Variants in EMCN observed in about 807,000 individuals in gnomAD.
EMCN encodes the protein endomucin, also known as MUC-14.
In EMCN, 37 loss-of-function variants were observed where a neutral mutation model predicts 38.4. The ratio of observed to expected loss-of-function variants is 0.96; its 90% confidence interval spans 0.74 to 1.27. The LOEUF (loss-of-function observed/expected upper bound fraction) is 1.27, where lower values mean the gene tolerates loss of function less well. Ranked by LOEUF, EMCN falls within the 50% of genes most tolerant of loss-of-function variation. EMCN has a pLI of 0.00. For missense variants in EMCN, 318 were observed against 302.8 expected, an observed-to-expected ratio of 1.05 and a Z score of -0.37; for synonymous variants, 95 against 100.8, an observed-to-expected ratio of 0.94 and a Z score of 0.35.
At position 100,422,930 on chromosome 4, in the gene EMCN, G is replaced by T. The variant is rs1211921072; in HGVS notation, c.568+91C>A. Reference sequence around the variant, plus strand: ...GCAGGCTCAGTAAAGTTGAGAAAAGGCTGCCCATAATCTGATTCCTCTCCT... The same window carrying T: ...GCAGGCTCAGTAAAGTTGAGAAAAGTCTGCCCATAATCTGATTCCTCTCCT... On this transcript the variant is annotated intron_variant, in intron 7 of 11. Coordinates refer to ENST00000296420, the MANE Select transcript of EMCN (RefSeq NM_016242.4). 16 of 1,264,370 alleles carry T rather than the reference G, an allele frequency of 1.3e-5. No homozygotes were observed. In the East Asian group the frequency reaches 2.8e-4, roughly 22 times the overall value. The allele number at this position is 1,264,370 out of a possible 1,614,324, so 78.3% of individuals were successfully genotyped here.
chr4:100,506,138 C>T (rs1390301427), intron 1 of EMCN, among the ~76,000 whole-genome samples: 1 of 152,082 alleles, frequency 6.6e-6, no homozygotes, highest in Non-Finnish European at 1.5e-5. Flanking sequence ...GACTATGAAA[C>T]AAGAGTGGTA....
intron 4 of EMCN, among the ~76,000 whole-genome samples, chr4:100,460,672 A>G (rs976042918): frequency 1.3e-5 from 2 of 152,172 alleles, no homozygotes; most frequent in African/African-American, 4.8e-5. Context: ...CTCCCATGAC[A>G]CGTGGAAATT....
intron 11 of EMCN, among the ~76,000 whole-genome samples, chr4:100,402,427 A>G (rs1366930278): frequency 6.6e-6 from 1 of 152,172 alleles, no homozygotes; most frequent in Non-Finnish European, 1.5e-5. Flanking sequence ...ATTCATTTCT[A>G]TATATTCTGA....
chr4:100,442,593 A>C (rs1238272717), intron 5 of EMCN, among the ~76,000 whole-genome samples: 1 of 151,868 alleles, frequency 6.6e-6, no homozygotes, highest in African/African-American at 2.4e-5. Context: ...TGATGGAGTA[A>C]TTTCAGAAGA....
chr4:100,436,135 A>T, intron 5 of EMCN, among the ~76,000 whole-genome samples: 1 of 152,114 alleles, frequency 6.6e-6, no homozygotes, highest in Non-Finnish European at 1.5e-5. Context: ...TCCATATGAT[A>T]AAAGTGTAAT....
At chr4:100,407,160 C>A (rs999831968) in intron 11 of EMCN, among the ~76,000 whole-genome samples, 2 of 152,106 alleles carry the variant, frequency 1.3e-5, no homozygotes, top group African/African-American at 4.8e-5. Context: ...ACACTTGGGT[C>A]TTTCTTCTTT....
intron 5 of EMCN, among the ~76,000 whole-genome samples, chr4:100,429,754 G>A (rs2110225841): frequency 6.6e-6 from 1 of 152,128 alleles, no homozygotes; most frequent in East Asian, 1.9e-4. Flanking sequence ...TGATAAGAGT[G>A]AATGAGGCAC....
intron 11 of EMCN, among the ~76,000 whole-genome samples, chr4:100,401,761 C>G (rs1399476485): frequency 1.3e-5 from 2 of 152,112 alleles, no homozygotes; most frequent in African/African-American, 4.8e-5. Context: ...GACTTTGATC[C>G]AAGCTACCGG....
chr4:100,411,980 T>A (rs1726575125), intron 10 of EMCN, among the ~76,000 whole-genome samples: 1 of 152,170 alleles, frequency 6.6e-6, no homozygotes, highest in Non-Finnish European at 1.5e-5. Flanking sequence ...AACTTTTACT[T>A]GTAAAAATAA....
chr4:100,489,408 A>C (rs891970528), intron 1 of EMCN, among the ~76,000 whole-genome samples: 2 of 152,202 alleles, frequency 1.3e-5, no homozygotes, highest in Admixed American at 6.5e-5. Context: ...TGATGGTAGT[A>C]ATTTAGATTC....
chr4:100,405,169 G>A (rs997379677), intron 11 of EMCN, among the ~76,000 whole-genome samples: 10 of 151,910 alleles, frequency 6.6e-5, no homozygotes, highest in Non-Finnish European at 1.2e-4. Flanking sequence ...AAGACAGATC[G>A]TTTAACTTCT....
chr4:100,481,971 C>T (rs1317288829), intron 1 of EMCN, among the ~76,000 whole-genome samples: 8 of 151,364 alleles, frequency 5.3e-5, no homozygotes, highest in Non-Finnish European at 1.2e-4. Flanking sequence ...TCGTTTTCTC[C>T]CTCAATATTT....
At chr4:100,515,581 G>T (rs984697650) in intron 1 of EMCN, among the ~76,000 whole-genome samples, 6 of 152,038 alleles carry the variant, frequency 3.9e-5, no homozygotes, top group Admixed American at 6.6e-5. Context: ...TTATCTAAAA[G>T]ATAATTATTT....
chr4:100,463,472 C>T (rs987034867), intron 4 of EMCN, among the ~76,000 whole-genome samples: 1 of 152,096 alleles, frequency 6.6e-6, no homozygotes, highest in Non-Finnish European at 1.5e-5. Context: ...TTCTTTCCTT[C>T]TGTTTTTCAA....
chr4:100,407,796 T>C (rs1346726063), intron 11 of EMCN, among the ~76,000 whole-genome samples: 1 of 152,208 alleles, frequency 6.6e-6, no homozygotes, highest in Non-Finnish European at 1.5e-5. Context: ...GACATTTTCA[T>C]GGACAATATC....
rs759553890 is a variant in EMCN, at chr4:100,421,552, T to G, written c.569-175A>C. On this transcript the variant is annotated intron_variant, in intron 7 of 11. Transcript: ENST00000296420. Reference sequence around the variant, plus strand: ...TGGGGTTTGCTCTAGTTGTCATCTTTGACATAACCACTTGATGTCAGTCTT... The same window carrying G: ...TGGGGTTTGCTCTAGTTGTCATCTTGGACATAACCACTTGATGTCAGTCTT... 7.2e-4 allele frequency among the ~76,000 whole-genome samples: 110 copies of G among 152,070 alleles called. 1 individual carries two copies. Among genetic ancestry groups the G allele is most frequent in the Admixed American group, 5.3e-4 (8 of 15,220 alleles).
chr4:100,445,787 T>C (rs896932316), intron 5 of EMCN, among the ~76,000 whole-genome samples: 1 of 152,190 alleles, frequency 6.6e-6, no homozygotes, highest in African/African-American at 2.4e-5. Flanking sequence ...GGATGGTGTT[T>C]CCTGATTTAG....
chr4:100,449,220 C>T (rs1408230640), intron 4 of EMCN, among the ~76,000 whole-genome samples: 1 of 151,962 alleles, frequency 6.6e-6, no homozygotes, highest in Non-Finnish European at 1.5e-5. Context: ...TTTAAAATTT[C>T]CTAGTTGGAT....
intron 3 of EMCN, among the ~76,000 whole-genome samples, chr4:100,474,463 G>C (rs1728577937): frequency 6.6e-6 from 1 of 152,088 alleles, no homozygotes; most frequent in African/African-American, 2.4e-5. Context: ...GTTAAACATA[G>C]AGTTAACCTG....
Sources: allele counts gnomAD v4.1 joint callset (sites outside exome capture counted in the v4.1 genomes callset), GRCh38; gene constraint gnomAD v4.1.1; transcripts MANE v1.5; gene names NCBI Gene and HGNC (gene_info 2026-07-23, HGNC 2026-07-21).